Variants in ADPRHL1 observed in about 807,000 individuals in gnomAD.
The protein encoded by ADPRHL1 is inactive ADP-ribosyltransferase ARH2.
ADPRHL1 carries 43 observed loss-of-function variants against 44.1 expected under a neutral mutation model. The observed-to-expected ratio is 0.98, with a 90% CI of 0.76 to 1.26. ADPRHL1 has a LOEUF of 1.26. Among genes scored for constraint, ADPRHL1 ranks in the 50% most tolerant of loss-of-function variants. ADPRHL1 has a pLI of 0.00. For synonymous variants in ADPRHL1, 878 were observed against 1,017.4 expected (o/e 0.86, Z 2.61); for missense variants, 2,022 against 2,496.9 (o/e 0.81, Z 4.05).
chr13:113,416,299 G>C (rs2043887164), intron 7 of ADPRHL1, among the ~76,000 whole-genome samples: 2 of 152,072 alleles, frequency 1.3e-5, no homozygotes, highest in Non-Finnish European at 2.9e-5. Flanking sequence ...GCCTTGACCT[G>C]AACATCTTTT....
In ADPRHL1 at chr13:113,408,058, G is replaced by A. The variant is rs956026861; in HGVS notation, c.1224C>T (p.Ala408=). 10 of 1,232,066 alleles carry A rather than the reference G, an allele frequency of 8.1e-6. No homozygotes were observed. The highest frequency in any genetic ancestry group is 8.2e-5 in the South Asian group (2 of 24,330). The allele number at this position is 1,232,066 out of a possible 1,614,324, so 76.3% of individuals were successfully genotyped here. ...GCTGGTGGCTGGGCCTGCTCCCCCC[G>A]GCCTCTGTCCCCGGGGGCCGGTCTG... ...GRADRPPGTE[A]GGSRPSHQPQ... is the part of the protein sequence containing the mutation. The change falls in exon 8 of 8, where the codon GCC becomes GCT. Residue 408 remains alanine, a synonymous_variant. Transcript: ENST00000612156.
chr13:113,412,101 TG>T (rs1344184552), intron 7 of ADPRHL1, among the ~76,000 whole-genome samples: 1 of 152,206 alleles, frequency 6.6e-6, no homozygotes, highest in Non-Finnish European at 1.5e-5. Flanking sequence ...TTTCACTGGT[TG>T]GGGGATTCTG....
chr13:113,451,965 C>T (rs540515141), intron 1 of ADPRHL1, among the ~76,000 whole-genome samples: 1 of 152,192 alleles, frequency 6.6e-6, no homozygotes, highest in Non-Finnish European at 1.5e-5. Flanking sequence ...CAGCCATGGA[C>T]GCTGCCATTT....
chr13:113,422,694 A>T, intron 7 of ADPRHL1, 132 bp downstream of exon 7: 1 of 1,088,202 alleles, frequency 9.2e-7, no homozygotes, highest in Admixed American at 2.6e-5. Flanking sequence ...ACAGAGAGTT[A>T]GATGTGGCCA....
rs1595545093 is a variant in ADPRHL1, at chr13:113,424,992, T to C, written c.774+60A>G. ...CACCCACCCATCCATCCACTTGCTA[T>C]GCACTTATTGAGCACCACTGGTGTG... On this transcript the variant is annotated intron_variant, in intron 5 of 7. Coordinates refer to ENST00000612156, the MANE Select transcript of ADPRHL1 (RefSeq NM_001394807.1). The C allele has an allele frequency of 6.3e-6, 10 of 1,599,104 alleles. No individual in the cohort carries two copies. In the East Asian group the frequency reaches 6.7e-5, roughly 11 times the overall value.
rs1460804811 is a variant in ADPRHL1, at chr13:113,405,647, G to A, written c.3635C>T (p.Pro1212Leu). 4.1e-6 allele frequency: 5 copies of A among 1,232,628 alleles called. No homozygotes were observed. Among genetic ancestry groups the A allele is most frequent in the Admixed American group, 4.2e-5 (1 of 23,714 alleles). 76.4% of individuals were successfully genotyped at this position (1,232,628 alleles called of 1,614,324 possible). ...CCGGGCGAGGGCCGCAGCATCCTCC[G>A]GGTGGCGGGCGAGGGTCGCAATGTC... ...PEDIATLARH[P>L]EDAAALARHP... The change falls in exon 8 of 8, where the codon CCG (proline) becomes CTG (leucine). Residue 1212 changes from proline (P) to leucine (L), a missense_variant. Physicochemically the swap from Pro to Leu is moderately conservative, Grantham distance 98 (BLOSUM62 -3). Around this residue, in one of 8 missense-constraint regions of ADPRHL1, gnomAD observed 1,221 missense variants for 1,517.8 expected, o/e 0.80. Transcript: ENST00000612156.
intron 7 of ADPRHL1, 152 bp downstream of exon 7, chr13:113,422,674 G>A (rs1322033818): frequency 2.1e-6 from 2 of 949,376 alleles, no homozygotes; most frequent in East Asian, 5.2e-5. Context: ...TTAGGATTCT[G>A]AAATTGGAAA....
At chr13:113,443,965 C>T (rs529579017) in intron 2 of ADPRHL1, among the ~76,000 whole-genome samples, 19 of 152,016 alleles carry the variant, frequency 1.2e-4, no homozygotes, top group South Asian at 1.2e-3. Flanking sequence ...AAATTTAAAG[C>T]GTGCTTTTCA....
chr13:113,405,355 C>T lies in ADPRHL1; in HGVS notation c.3927G>A (p.Glu1309=), dbSNP rs2043799896. 1.6e-6 allele frequency: 2 copies of T among 1,231,862 alleles called. No individual in the cohort carries two copies. Among genetic ancestry groups the T allele is most frequent in the Non-Finnish European group, 2.0e-6 (2 of 988,056 alleles). 76.3% of individuals were successfully genotyped at this position (1,231,862 alleles called of 1,614,324 possible). Residue 1309 remains glutamate (E), a synonymous_variant, in exon 8 of 8, where the codon GAG becomes GAA. Transcript: ENST00000612156. ...GCACTGCGGGAAGCAGATGGTCAGG[C>T]TCCGCCCCACGGGGAAACCTGACGC... ...REGVRFPRGA[E]PDHLLPAVPP...
chr13:113,403,548 C>T lies in ADPRHL1; in HGVS notation c.5734G>A (p.Ala1912Thr), dbSNP rs1323860639. ...ATCCTGTCCTGCAGGGCCCTCTCAG[C>T]CCCAGGGTGGTCTGGGGACCCCTCC... ...AQEGSPDHPG[A>T]ERALQDRMEA... The change falls in exon 8 of 8, where the codon GCT becomes ACT. Residue 1912 changes from alanine to threonine, a missense_variant. Coordinates refer to ENST00000612156, the MANE Select transcript of ADPRHL1 (RefSeq NM_001394807.1). 1.1e-5 allele frequency: 13 copies of T among 1,231,828 alleles called. No homozygotes were observed. The highest frequency in any genetic ancestry group is 1.3e-5 in the Non-Finnish European group (13 of 987,994). The allele number at this position is 1,231,828 out of a possible 1,614,324, so 76.3% of individuals were successfully genotyped here.
rs2044098587 is a variant in ADPRHL1 at position 113,441,552 on chromosome 13, ATTG to A, written c.379+2870_379+2872del. Among the ~76,000 whole-genome samples the A allele has an allele frequency of 1.3e-5, 2 of 152,220 alleles. No individual in the cohort carries two copies. The highest frequency in any genetic ancestry group is 2.4e-5 in the African/African-American group (1 of 41,530). On this transcript the variant is annotated intron_variant, in intron 2 of 7. Coordinates refer to ENST00000612156, the MANE Select transcript of ADPRHL1 (RefSeq NM_001394807.1). The surrounding 1 kb of genome is among the most constrained non-coding windows in gnomAD (Gnocchi z 6.0). ...TCTCTCCCCTGCTAGCCTTCGTGCTATTGTTGTTGTACATTCTACTTATATTTT... is the reference window on the plus strand; with the variant it reads ...TCTCTCCCCTGCTAGCCTTCGTGCTATTGTTGTACATTCTACTTATATTTT...
At chr13:113,421,380 G>A (rs1245317882) in intron 7 of ADPRHL1, among the ~76,000 whole-genome samples, 3 of 90,894 alleles carry the variant, frequency 3.3e-5, no homozygotes, top group Admixed American at 1.1e-4. Flanking sequence ...CCTGGGACAC[G>A]CCCACCCCCG....
chr13:113,406,089 C>G lies in ADPRHL1; in HGVS notation c.3193G>C (p.Ala1065Pro). 2 of 1,232,174 alleles carry G rather than the reference C, an allele frequency of 1.6e-6. No individual in the cohort carries two copies. The highest frequency in any genetic ancestry group is 2.0e-6 in the Non-Finnish European group (2 of 988,010). The allele number at this position is 1,232,174 out of a possible 1,614,324, so 76.3% of individuals were successfully genotyped here. Reference protein sequence around the residue: ...VTPMGMTVPGALEECRRPLLI... With the variant: ...VTPMGMTVPGPLEECRRPLLI... Reference sequence around the variant, plus strand: ...AGCGGCCTTCTGCATTCCTCCAGCGCACCGGGCACTGTCATGCCCATCGGG... The same window carrying G: ...AGCGGCCTTCTGCATTCCTCCAGCGGACCGGGCACTGTCATGCCCATCGGG... The change falls in exon 8 of 8, where the codon GCG becomes CCG. Residue 1065 changes from alanine (A) to proline (P), a missense_variant. Transcript: ENST00000612156.
At chr13:113,429,574 T>A (rs1253853375) in intron 3 of ADPRHL1, among the ~76,000 whole-genome samples, 1 of 152,264 alleles carries the variant, frequency 6.6e-6, no homozygotes, top group Non-Finnish European at 1.5e-5. Flanking sequence ...TGTGGATGCA[T>A]GAGCTGCCTC....
At position 113,412,323 on chromosome 13, in the gene ADPRHL1, G is replaced by A. The variant is rs550486784; in HGVS notation, c.1062-4103C>T. ...CTCCCGAGTAGCTGGGACTACAGGC[G>A]CCCGCCACCACGCCCGGCTAATTTT... On this transcript the variant is annotated intron_variant, in intron 7 of 7. Transcript: ENST00000612156. Among the ~76,000 whole-genome samples the A allele has an allele frequency of 2.6e-3, 398 of 152,214 alleles. 2 individuals are homozygous for A. The highest frequency in any genetic ancestry group is 8.0e-3 in the African/African-American group (332 of 41,550).
At chr13:113,433,046 C>T (rs1200042620) in intron 3 of ADPRHL1, among the ~76,000 whole-genome samples, 1 of 152,190 alleles carries the variant, frequency 6.6e-6, no homozygotes, top group Non-Finnish European at 1.5e-5. Context: ...GAGCAGCTGG[C>T]CAGCTGGCAC....
intron 3 of ADPRHL1, among the ~76,000 whole-genome samples, chr13:113,431,279 C>T (rs1156411163): frequency 6.6e-6 from 1 of 152,206 alleles, no homozygotes; most frequent in Middle Eastern, 3.2e-3. Context: ...AACGGCCACT[C>T]AACACGGCCG....
Position 113,409,260 on chromosome 13 carries a change from G to A in ADPRHL1, c.1062-1040C>T, listed in dbSNP as rs1477988502. 1.0e-6 allele frequency: 1 copy of A among 982,540 alleles called. No homozygotes were observed. Among genetic ancestry groups the A allele is most frequent in the African/African-American group, 1.7e-5 (1 of 57,150 alleles). 60.9% of individuals were successfully genotyped at this position (982,540 alleles called of 1,614,324 possible). Reference sequence around the variant, plus strand: ...AGCCGTGACCACAGGAGCAAAGCTGGAAGGTCTCCCCATCTGTGGCAGGGG... The same window carrying A: ...AGCCGTGACCACAGGAGCAAAGCTGAAAGGTCTCCCCATCTGTGGCAGGGG... On this transcript the variant is annotated intron_variant, in intron 7 of 7. Transcript: ENST00000612156. This position sits in a 1 kb window ranked among gnomAD's most constrained non-coding sequence, Gnocchi z 4.2.
Position 113,428,937 on chromosome 13 carries a change from G to A in ADPRHL1, c.646+15C>T, listed in dbSNP as rs760073697. The stretch of plus-strand genomic sequence containing the variant: ...TCTGCTCTGAGTGCGGACTGGGGCC[G>A]GGGGAGCGGCTCACCTGCCGTGTGC... On this transcript the variant is annotated intron_variant, in intron 4 of 7. Coordinates refer to ENST00000612156, the MANE Select transcript of ADPRHL1 (RefSeq NM_001394807.1). 14 of 1,611,478 alleles carry A rather than the reference G, an allele frequency of 8.7e-6. No individual in the cohort carries two copies. Among genetic ancestry groups the A allele is most frequent in the Middle Eastern group, 1.6e-4 (1 of 6,080 alleles).
Sources: gnomAD v4.1 joint callset for allele counts (sites outside exome capture counted in the v4.1 genomes callset) on GRCh38, gnomAD v4.1.1 for gene constraint, gnomAD v4.1.1 regional missense constraint, Gnocchi (gnomAD v3.1) non-coding constraint, MANE v1.5 for transcripts, NCBI Gene and HGNC (gene_info 2026-07-23, HGNC 2026-07-21) for gene names.